Variants in NRG2 observed in about 807,000 individuals in gnomAD.
NRG2 encodes neuregulin 2, also known as pro-neuregulin-2, membrane-bound isoform.
A neutral mutation model predicts 73.9 loss-of-function variants in NRG2; 27 were observed. The ratio of observed to expected loss-of-function variants is 0.37; its 90% CI spans 0.27 to 0.50. NRG2 has a LOEUF of 0.50. NRG2 is among the 20% of genes least tolerant of loss of function. NRG2 has a pLI of 0.96. For missense variants in NRG2, 1,126 were observed against 1,210.1 expected, an observed-to-expected ratio of 0.93 and a Z score of 1.03; for synonymous variants, 532 against 541.0, an observed-to-expected ratio of 0.98 and a Z score of 0.23.
chr5:139,949,091 C>G (rs1580797714), intron 1 of NRG2, among the ~76,000 whole-genome samples: 1 of 152,226 alleles, frequency 6.6e-6, no homozygotes, highest in East Asian at 1.9e-4. Flanking sequence ...AGGAATGAAA[C>G]TGATAAGACT....
At chr5:139,921,833 C>T (rs924479024) in intron 1 of NRG2, among the ~76,000 whole-genome samples, 14 of 152,108 alleles carry the variant, frequency 9.2e-5, no homozygotes, top group African/African-American at 1.9e-4. Context: ...AGGTCAAGGT[C>T]GGTGGATCAC....
chr5:140,020,209 T>C (rs1436712048), intron 1 of NRG2, among the ~76,000 whole-genome samples: 4 of 152,156 alleles, frequency 2.6e-5, no homozygotes, highest in African/African-American at 9.7e-5. Context: ...ACAATAAGAA[T>C]TGGTACTAAG....
At chr5:139,875,123 T>A (rs6891342) in intron 3 of NRG2, among the ~76,000 whole-genome samples, 1 of 152,156 alleles carries the variant, frequency 6.6e-6, no homozygotes, top group Non-Finnish European at 1.5e-5. Context: ...GCAATTCTCC[T>A]GCCTCAGCCT....
At chr5:139,948,545 G>A (rs2126455253) in intron 1 of NRG2, among the ~76,000 whole-genome samples, 1 of 152,226 alleles carries the variant, frequency 6.6e-6, no homozygotes, top group East Asian at 1.9e-4. Context: ...CAATATCCTG[G>A]CCACTGCTGC....
chr5:140,039,575 A>G (rs1210426867), intron 1 of NRG2, among the ~76,000 whole-genome samples: 1 of 152,146 alleles, frequency 6.6e-6, no homozygotes, highest in Non-Finnish European at 1.5e-5. Context: ...TCAACATTTC[A>G]TGGTGGAAAC....
At chr5:139,944,800 T>G (rs1352221446) in intron 1 of NRG2, among the ~76,000 whole-genome samples, 2 of 152,186 alleles carry the variant, frequency 1.3e-5, no homozygotes, top group Non-Finnish European at 2.9e-5. Context: ...GATAGGGTAG[T>G]TCTATTTGTA....
At chr5:139,980,331 G>C (rs550624591) in intron 1 of NRG2, among the ~76,000 whole-genome samples, 2 of 148,590 alleles carry the variant, frequency 1.3e-5, no homozygotes, top group African/African-American at 5.1e-5. Context: ...CTAATTCACA[G>C]GATGTTCACA....
At chr5:139,874,777 C>T (rs900725675) in intron 3 of NRG2, among the ~76,000 whole-genome samples, 7 of 152,216 alleles carry the variant, frequency 4.6e-5, no homozygotes, top group African/African-American at 1.4e-4. Flanking sequence ...ACCTCTCCCA[C>T]TTCATCTCCC....
At chr5:139,980,985 C>T (rs1302066219) in intron 1 of NRG2, among the ~76,000 whole-genome samples, 3 of 152,188 alleles carry the variant, frequency 2.0e-5, no homozygotes, top group Non-Finnish European at 4.4e-5. Flanking sequence ...GATGGAGACA[C>T]TAAGCCTTAG....
chr5:139,871,702 A>G lies in NRG2; in HGVS notation c.1112+19T>C, dbSNP rs1298042019. On this transcript the variant is annotated intron_variant, in intron 4 of 9. Transcript: ENST00000361474. ...CTACCCTGTTCTTGCTCCCATGCCC[A>G]CCCCTACTGGTCACTTACTTGCAGG... 1.2e-6 allele frequency: 2 copies of G among 1,613,500 alleles called. No homozygotes were observed. The highest frequency in any genetic ancestry group is 1.7e-6 in the Non-Finnish European group (2 of 1,179,694).
At chr5:139,878,325 C>T (rs1177346820) in intron 3 of NRG2, among the ~76,000 whole-genome samples, 4 of 152,258 alleles carry the variant, frequency 2.6e-5, no homozygotes, top group East Asian at 3.8e-4. Context: ...GTCACATGAC[C>T]TGGCAGGGTC....
At chr5:139,877,277 A>G (rs1763246898) in intron 3 of NRG2, among the ~76,000 whole-genome samples, 1 of 152,200 alleles carries the variant, frequency 6.6e-6, no homozygotes. Flanking sequence ...CTCTGACTAT[A>G]AGGAAGGCCT....
chr5:139,914,062 G>T (rs1167915646), intron 1 of NRG2, among the ~76,000 whole-genome samples: 1 of 152,180 alleles, frequency 6.6e-6, no homozygotes, highest in African/African-American at 2.4e-5. Context: ...GCTGAGAGGT[G>T]GGAGAATTGC....
chr5:139,848,469 GCCGGGCCCGGGC>G lies in NRG2; in HGVS notation c.1989_2000del (p.Pro664_Gly667del), dbSNP rs933769137. 1.7e-4 allele frequency: 233 copies of G among 1,336,780 alleles called. 1 individual carries two copies. The Middle Eastern group carries it at 2.2e-3, about 13-fold the overall frequency. The allele number at this position is 1,336,780 out of a possible 1,614,324, so 82.8% of individuals were successfully genotyped here. On this transcript the variant is annotated inframe_deletion, in exon 10 of 10. Transcript: ENST00000361474. ...TGTCATAGCTGCGCTGCATGTCTGC[GCCGGGCCCGGGC>G]CCGGGCCCGGGTCCGGGTCCCGGGC... is the stretch of plus-strand genomic sequence containing the variant.
chr5:139,990,042 C>G (rs1004976051), intron 1 of NRG2, among the ~76,000 whole-genome samples: 3 of 151,702 alleles, frequency 2.0e-5, no homozygotes, highest in Admixed American at 1.3e-4. Context: ...CCCACCTCGG[C>G]CTCCCAAAGT....
At chr5:140,023,941 G>A (rs1408170248) in intron 1 of NRG2, among the ~76,000 whole-genome samples, 4 of 152,180 alleles carry the variant, frequency 2.6e-5, no homozygotes, top group African/African-American at 9.7e-5. Flanking sequence ...TATCTATGGA[G>A]TGCAGAGAGG....
intron 5 of NRG2, among the ~76,000 whole-genome samples, chr5:139,860,233 C>A (rs972171574): frequency 1.3e-5 from 2 of 152,154 alleles, no homozygotes; most frequent in Admixed American, 1.3e-4. Flanking sequence ...TGGCAAATGT[C>A]CCTGGGAGGA....
chr5:139,862,137 G>C (rs1364225053), intron 5 of NRG2, among the ~76,000 whole-genome samples: 1 of 152,198 alleles, frequency 6.6e-6, no homozygotes, highest in Non-Finnish European at 1.5e-5. Flanking sequence ...TGAGGACAAT[G>C]ACCAGCTGGA....
intron 1 of NRG2, among the ~76,000 whole-genome samples, chr5:140,031,186 C>T (rs908306687): frequency 6.6e-6 from 1 of 152,184 alleles, no homozygotes; most frequent in East Asian, 1.9e-4. Context: ...ACAATGGGGG[C>T]TGAAGAACGG....
Sources: gnomAD v4.1 joint callset for allele counts (sites outside exome capture counted in the v4.1 genomes callset) on GRCh38, gnomAD v4.1.1 for gene constraint, MANE v1.5 for transcripts, NCBI Gene and HGNC (gene_info 2026-07-23, HGNC 2026-07-21) for gene names.